LTBP4: variants seen among roughly 807,000 people sequenced by gnomAD.
LTBP4 encodes latent transforming growth factor beta binding protein 4.
A neutral mutation model predicts 180.2 loss-of-function variants in LTBP4; 93 were observed. The observed-to-expected ratio is 0.52, with a 90% CI of 0.44 to 0.61. The LOEUF (loss-of-function observed/expected upper bound fraction) is 0.61, where lower values mean the gene tolerates loss of function less well. Ranked by LOEUF, LTBP4 falls within the 20% of genes least tolerant of loss-of-function variation. LTBP4 has a pLI of 0.00. For missense variants in LTBP4, 2,116 were observed against 2,256.5 expected (o/e 0.94, Z 1.26); for synonymous variants, 947 against 934.5 (o/e 1.01, Z -0.24).
Position 40,622,815 on chromosome 19 carries a change from T to C in LTBP4, c.3485-135T>C, listed in dbSNP as rs142880463. 1.7e-4 allele frequency: 237 copies of C among 1,377,946 alleles called. 1 individual carries two copies. The African/African-American group carries it at 2.9e-3, about 17-fold the overall frequency. The allele number at this position is 1,377,946 out of a possible 1,614,324, so 85.4% of individuals were successfully genotyped here. ...GGGCGAGCTGCCAGGCAGGTGGGCA[T>C]GGGCAGACATAAGGCTGAGAGGTGG... On this transcript the variant is annotated intron_variant, in intron 23 of 29. Transcript: ENST00000396819. This position sits in a 1 kb window ranked among gnomAD's most constrained non-coding sequence, Gnocchi z 5.1.
chr19:40,625,292 A>T (rs1449102244), intron 26 of LTBP4, among the ~76,000 whole-genome samples: 127 of 7,602 alleles, frequency 0.017, 22 homozygotes, highest in African/African-American at 0.021. Context: ...ATATATATAT[A>T]TATATATATA....
Position 40,609,145 on chromosome 19 carries a change from G to C in LTBP4, c.1427-385G>C, listed in dbSNP as rs1217444758. Among the ~76,000 whole-genome samples, 3 of 152,050 alleles carry C rather than the reference G, an allele frequency of 2.0e-5. No homozygotes were observed. Among genetic ancestry groups the C allele is most frequent in the African/African-American group, 7.2e-5 (3 of 41,380 alleles). On this transcript the variant is annotated intron_variant, in intron 9 of 29. Transcript: ENST00000396819. This position sits in a 1 kb window ranked among gnomAD's most constrained non-coding sequence, Gnocchi z 4.9. ...CTCAGTTTTCTCATTGGTAAAATGG[G>C]GATGGTTGTTGAGATGCCTCTGAAG...
chr19:40,613,946 G>T lies in LTBP4; in HGVS notation c.2588G>T (p.Cys863Phe), dbSNP rs770254506. 17 of 1,613,622 alleles carry T rather than the reference G, an allele frequency of 1.1e-5. No homozygotes were observed. In the Admixed American group the frequency reaches 2.0e-4, roughly 19 times the overall value. Reference sequence around the variant, plus strand: ...GACGAGTGCAGCGAGGAGGACCTTTGCCAGAGCGGCATCTGTACCAACACC... The same window carrying T: ...GACGAGTGCAGCGAGGAGGACCTTTTCCAGAGCGGCATCTGTACCAACACC... ...DVDECSEEDL[C>F]QSGICTNTDG... Residue 863 changes from cysteine (C) to phenylalanine (F), a missense_variant, in exon 18 of 30, where the codon TGC becomes TTC. Physicochemically the swap from Cys to Phe is radical, Grantham distance 205. This residue lies in a region of LTBP4 where 877 missense variants were observed against 873.6 expected (regional missense o/e 1.00). Transcript: ENST00000396819. This position sits in a 1 kb window ranked among gnomAD's most constrained non-coding sequence, Gnocchi z 5.0.
chr19:40,599,060 G>T, upstream of LTBP4: 1 of 794,532 alleles, frequency 1.3e-6, no homozygotes. Flanking sequence ...CTGAGGCGTG[G>T]GGAGAAGAAC....
In LTBP4 at chr19:40,629,469, C is replaced by T. The variant is rs762219614; in HGVS notation, c.4593C>T (p.Gly1531=). Residue 1531 remains glycine, a synonymous_variant, in exon 30 of 30, where the codon GGC becomes GGT. Coordinates refer to ENST00000396819, the MANE Select transcript of LTBP4 (RefSeq NM_001042545.2). The surrounding 1 kb of genome is among the most constrained non-coding windows in gnomAD (Gnocchi z 4.5). ...CVNARCLNTD[G]SFRCICRPGF... is the part of the protein sequence containing the mutation. Reference sequence around the variant, plus strand: ...ACGCGCGTTGCCTCAACACGGATGGCTCCTTCCGCTGCATCTGCCGCCCGG... The same window carrying T: ...ACGCGCGTTGCCTCAACACGGATGGTTCCTTCCGCTGCATCTGCCGCCCGG... The T allele has an allele frequency of 6.2e-7, 1 of 1,609,874 alleles. No individual in the cohort carries two copies. Among genetic ancestry groups the T allele is most frequent in the Non-Finnish European group, 8.5e-7 (1 of 1,177,546 alleles).
At chr19:40,606,331 G>A in intron 5 of LTBP4, 24 bp downstream of exon 5, 1 of 1,601,176 alleles carries the variant, frequency 6.2e-7, no homozygotes, top group Non-Finnish European at 8.5e-7. Context: ...GGGGTGGGAG[G>A]GGCTTGGTTC....
intron 28 of LTBP4, 60 bp from the exon 29 acceptor site, chr19:40,627,645 G>A (rs1262296822): frequency 1.8e-5 from 27 of 1,531,832 alleles, no homozygotes; most frequent in African/African-American, 1.5e-4. Flanking sequence ...CGCACCCACC[G>A]TTGTGGGTAA....
intron 27 of LTBP4, 104 bp downstream of exon 27, chr19:40,626,113 C>G (rs760114411): frequency 4.2e-5 from 57 of 1,348,944 alleles, no homozygotes; most frequent in Non-Finnish European, 5.5e-5. Flanking sequence ...TATCCAAACT[C>G]TGTCCCCTAG....
intron 27 of LTBP4, 90 bp downstream of exon 27, chr19:40,626,099 A>C: frequency 7.1e-7 from 1 of 1,416,848 alleles, no homozygotes; most frequent in African/African-American, 1.5e-5. Context: ...GAACCCCCAG[A>C]CTCTATCCAA....
Position 40,617,214 on chromosome 19 carries a change from G to A in LTBP4, c.3059G>A (p.Arg1020His), listed in dbSNP as rs777731734. The change falls in exon 21 of 30, where the codon CGT (arginine) becomes CAT (histidine). Residue 1020 changes from arginine (R) to histidine (H), a missense_variant. Coordinates refer to ENST00000396819, the MANE Select transcript of LTBP4 (RefSeq NM_001042545.2). ...DQGYEGARDG[R>H]HCVDVNECET... ...GGTTACGAGGGGGCACGGGATGGGC[G>A]TCACTGCGTGGGTACGGGACTTCAG... 56 of 1,613,492 alleles carry A rather than the reference G, an allele frequency of 3.5e-5. 1 individual carries two copies. The highest frequency in any genetic ancestry group is 3.3e-4 in the Middle Eastern group (2 of 6,084).
At chr19:40,625,342 G>T (rs2081626357) in intron 26 of LTBP4, among the ~76,000 whole-genome samples, 7 of 100,954 alleles carry the variant, frequency 6.9e-5, no homozygotes, top group Admixed American at 2.3e-4. Flanking sequence ...ATGGGTTTTT[G>T]CCATGTTGCC....
upstream of LTBP4, chr19:40,599,902 G>T: frequency 2.1e-6 from 1 of 470,006 alleles, no homozygotes; most frequent in Non-Finnish European, 3.8e-6. Flanking sequence ...TTTCTCTCAG[G>T]GTCTTTGTTT....
intron 26 of LTBP4, among the ~76,000 whole-genome samples, chr19:40,625,309 TATA>T (rs2081624623): frequency 3.4e-4 from 10 of 29,020 alleles, no homozygotes; most frequent in Non-Finnish European, 4.5e-4. Flanking sequence ...TATATATATA[TATA>T]TATATTTTTT....
chr19:40,624,160 CGGCCACGCCCTCCGAA>C (rs1465163537), intron 26 of LTBP4, 78 bp downstream of exon 26: 5 of 1,429,124 alleles, frequency 3.5e-6, no homozygotes, highest in Non-Finnish European at 3.7e-6. Context: ...ACCTTTGCGA[CGGCCACGCCCTCCGAA>C]GGCCACGCCC....
At chr19:40,597,104 C>G, upstream of LTBP4, 1 of 897,994 alleles carries the variant, frequency 1.1e-6, no homozygotes, top group Admixed American at 4.4e-5. Flanking sequence ...AAGTTCGCAG[C>G]CCGTGGCTGG....
chr19:40,613,918 G>A lies in LTBP4; in HGVS notation c.2560G>A (p.Val854Ile). 4.3e-6 allele frequency: 7 copies of A among 1,613,676 alleles called. No individual in the cohort carries two copies. Among genetic ancestry groups the A allele is most frequent in the Non-Finnish European group, 5.9e-6 (7 of 1,179,806 alleles). The change falls in exon 18 of 30, where the codon GTT becomes ATT. Residue 854 changes from valine (V) to isoleucine (I), a missense_variant and splice_region_variant. Around this residue, in one of 5 missense-constraint regions of LTBP4, gnomAD observed 877 missense variants for 873.6 expected, o/e 1.00. Transcript: ENST00000396819. This position sits in a 1 kb window ranked among gnomAD's most constrained non-coding sequence, Gnocchi z 5.0. ...PGPRGASCLD[V>I]DECSEEDLCQ... is the part of the protein sequence containing the mutation. ...CCTTCGGACGCCCTGTCCCGCAGAC[G>A]TTGACGAGTGCAGCGAGGAGGACCT...
At chr19:40,599,901 G>C (rs2081411868), upstream of LTBP4, 2 of 472,940 alleles carry the variant, frequency 4.2e-6, no homozygotes, top group Non-Finnish European at 7.5e-6. Flanking sequence ...CTTTCTCTCA[G>C]GGTCTTTGTT....
intron 4 of LTBP4, 96 bp from the exon 5 acceptor site, chr19:40,606,137 A>G (rs944033421): frequency 2.6e-6 from 3 of 1,158,052 alleles, no homozygotes; most frequent in African/African-American, 3.1e-5. Context: ...ACTACAGCCA[A>G]CATCTTTTAG....
chr19:40,593,241 G>A, intron 1 of LTBP4: 2 of 1,601,158 alleles, frequency 1.2e-6, no homozygotes, highest in Non-Finnish European at 8.5e-7. Context: ...CCCTAATTTT[G>A]TTTTTGTTTG....
Sources: allele counts gnomAD v4.1 joint callset (sites outside exome capture counted in the v4.1 genomes callset), GRCh38; gene constraint gnomAD v4.1.1; regional missense constraint gnomAD v4.1.1; non-coding constraint Gnocchi (gnomAD v3.1); transcripts MANE v1.5; gene names NCBI Gene and HGNC (gene_info 2026-07-23, HGNC 2026-07-21).